RYR2: variants seen among roughly 807,000 people sequenced by gnomAD.
The protein encoded by RYR2 is cardiac muscle ryanodine receptor-calcium release channel.
A neutral mutation model predicts 601.1 loss-of-function variants in RYR2; 227 were observed. The ratio of observed to expected loss-of-function variants is 0.38; its 90% CI spans 0.34 to 0.42. RYR2 has a LOEUF of 0.42. Among genes scored for constraint, RYR2 ranks in the 10% least tolerant of loss-of-function variants. The probability of loss-of-function intolerance (pLI) is 1.00; values close to 1 mark genes in which losing one functional copy is unlikely to be tolerated. For synonymous variants in RYR2, 2,223 were observed against 2,175.1 expected (o/e 1.02, Z -0.61); for missense variants, 4,646 against 6,156.5 (o/e 0.75, Z 8.21).
chr1:237,549,192 A>G (rs1276601789), intron 26 of RYR2, among the ~76,000 whole-genome samples: 1 of 152,188 alleles, frequency 6.6e-6, no homozygotes, highest in Non-Finnish European at 1.5e-5. Flanking sequence ...GCATCAGTAG[A>G]TATTCAGGTA....
intron 10 of RYR2, among the ~76,000 whole-genome samples, chr1:237,403,616 G>A (rs931277411): frequency 3.3e-5 from 5 of 152,210 alleles, no homozygotes; most frequent in East Asian, 3.9e-4. Context: ...TGTAAAGACA[G>A]TATCCCACTA....
chr1:237,277,546 A>G (rs1690410843), intron 2 of RYR2, among the ~76,000 whole-genome samples: 1 of 152,252 alleles, frequency 6.6e-6, no homozygotes, highest in African/African-American at 2.4e-5. Flanking sequence ...ATAATGTAGC[A>G]GGTTATAAAA....
intron 1 of RYR2, among the ~76,000 whole-genome samples, chr1:237,075,021 A>AGTC (rs1664834096): frequency 6.6e-6 from 1 of 152,046 alleles, no homozygotes; most frequent in Non-Finnish European, 1.5e-5. Flanking sequence ...AGGCTGTGGG[A>AGTC]GTCACCCCAT....
chr1:237,619,273 A>T (rs1678816210), intron 38 of RYR2, among the ~76,000 whole-genome samples: 1 of 152,212 alleles, frequency 6.6e-6, no homozygotes, highest in African/African-American at 2.4e-5. Context: ...TCGCCCTGTA[A>T]TTCCTTCAAA....
At position 237,388,238 on chromosome 1, in the gene RYR2, G is replaced by A; in HGVS notation, c.773+55G>A. On this transcript the variant is annotated intron_variant, in intron 10 of 104. Coordinates refer to ENST00000366574, the MANE Select transcript of RYR2 (RefSeq NM_001035.3). ...TTGCACTCTTTTGCCTTGATGTAAT[G>A]TTTTAAAAACTAGGGATCTATTCAT... 4 of 1,463,242 alleles carry A rather than the reference G, an allele frequency of 2.7e-6. No individual in the cohort carries two copies. In the South Asian group the frequency reaches 3.6e-5, roughly 13 times the overall value. 90.6% of individuals were successfully genotyped at this position (1,463,242 alleles called of 1,614,324 possible).
intron 2 of RYR2, among the ~76,000 whole-genome samples, chr1:237,327,441 A>C (rs7535911): frequency 0.043 from 6,525 of 152,288 alleles, 233 homozygotes; most frequent in African/African-American, 0.088. Flanking sequence ...ATAACATGAG[A>C]TATTACAGCA....
At chr1:237,517,192 T>C (rs1190253706) in intron 24 of RYR2, among the ~76,000 whole-genome samples, 1 of 152,258 alleles carries the variant, frequency 6.6e-6, no homozygotes, top group African/African-American at 2.4e-5. Flanking sequence ...TCTGTTCCCT[T>C]TGCCTGGAAA....
At chr1:237,199,735 A>T (rs574712213) in intron 1 of RYR2, among the ~76,000 whole-genome samples, 1 of 152,342 alleles carries the variant, frequency 6.6e-6, no homozygotes, top group South Asian at 2.1e-4. Flanking sequence ...TCAGCAATAT[A>T]AAACAGCATA....
chr1:237,530,344 A>G (rs1340926512), intron 24 of RYR2, 83 bp from the exon 25 acceptor site: 22 of 988,668 alleles, frequency 2.2e-5, no homozygotes, highest in Non-Finnish European at 3.1e-5. Context: ...TCAAGGTTGT[A>G]TCTCATTGCT....
chr1:237,283,497 A>G (rs1353295958), intron 2 of RYR2, among the ~76,000 whole-genome samples: 2 of 152,172 alleles, frequency 1.3e-5, no homozygotes, highest in Non-Finnish European at 2.9e-5. Flanking sequence ...TCAGGTACAT[A>G]ATACAGTTTT....
At chr1:237,535,784 A>C (rs1668555637) in intron 25 of RYR2, among the ~76,000 whole-genome samples, 1 of 152,212 alleles carries the variant, frequency 6.6e-6, no homozygotes, top group Non-Finnish European at 1.5e-5. Flanking sequence ...AGATAGGTTA[A>C]CATTAGAAAA....
At chr1:237,103,793 T>G (rs1212520680) in intron 1 of RYR2, among the ~76,000 whole-genome samples, 1 of 152,232 alleles carries the variant, frequency 6.6e-6, no homozygotes, top group Non-Finnish European at 1.5e-5. Flanking sequence ...GGTCTCGAAC[T>G]CCTGACTTCA....
chr1:237,807,598 T>A (rs1660783518), intron 99 of RYR2, among the ~76,000 whole-genome samples: 1 of 152,176 alleles, frequency 6.6e-6, no homozygotes, highest in Non-Finnish European at 1.5e-5. Context: ...GTGATCTGCC[T>A]GCCTCGGCCT....
At chr1:237,762,504 A>G (rs2149281855) in intron 84 of RYR2, among the ~76,000 whole-genome samples, 1 of 152,334 alleles carries the variant, frequency 6.6e-6, no homozygotes, top group East Asian at 1.9e-4. Flanking sequence ...CTAATGTTCC[A>G]GGGGCTCCTA....
At chr1:237,623,931 G>T (rs1679372763) in intron 39 of RYR2, 61 bp downstream of exon 39, 1 of 1,110,232 alleles carries the variant, frequency 9.0e-7, no homozygotes, top group African/African-American at 1.5e-5. Context: ...TATATCCTGA[G>T]ACGAAATTAA....
rs537766603 is a variant in RYR2 at position 237,459,996 on chromosome 1, A to G, written c.1612+3261A>G. Among the ~76,000 whole-genome samples the G allele has an allele frequency of 7.9e-5, 12 of 152,260 alleles. No homozygotes were observed. In the East Asian group the frequency reaches 2.3e-3, roughly 29 times the overall value. ...AAACCCAAACTGGCTTCAAAAACAGAGGGGATTTTGGGGCTTGCACAGCTC... is the reference window on the plus strand; with the variant it reads ...AAACCCAAACTGGCTTCAAAAACAGGGGGGATTTTGGGGCTTGCACAGCTC... On this transcript the variant is annotated intron_variant, in intron 16 of 104. Coordinates refer to ENST00000366574, the MANE Select transcript of RYR2 (RefSeq NM_001035.3).
intron 1 of RYR2, among the ~76,000 whole-genome samples, chr1:237,218,930 C>A (rs571479506): frequency 1.3e-5 from 2 of 151,778 alleles, no homozygotes; most frequent in Non-Finnish European, 2.9e-5. Context: ...AGCAATTTAT[C>A]ATCATAAGTC....
chr1:237,499,906 C>T (rs772065948), intron 20 of RYR2, among the ~76,000 whole-genome samples: 18 of 152,202 alleles, frequency 1.2e-4, no homozygotes, highest in South Asian at 1.0e-3. Flanking sequence ...GCTCTCGGGA[C>T]GAATTAGCAA....
At chr1:237,711,899 C>A in intron 71 of RYR2, 62 bp downstream of exon 71, 4 of 607,408 alleles carry the variant, frequency 6.6e-6, no homozygotes, top group Non-Finnish European at 5.6e-6. Flanking sequence ...CATGAATTGA[C>A]TTTTTTTTTT....
Sources: gnomAD v4.1 joint callset for allele counts (sites outside exome capture counted in the v4.1 genomes callset) on GRCh38, gnomAD v4.1.1 for gene constraint, MANE v1.5 for transcripts, NCBI Gene and HGNC (gene_info 2026-07-23, HGNC 2026-07-21) for gene names.